The following SPP2 variants were observed in gnomAD, a reference collection of about 807,000 sequenced individuals.
SPP2 encodes the protein secreted phosphoprotein 2.
In SPP2, 34 loss-of-function variants were observed where a neutral mutation model predicts 28.8. That is an observed-to-expected ratio of 1.18 (90% CI 0.90 to 1.57). The LOEUF is 1.57. SPP2 is among the 40% of genes most tolerant of loss of function. SPP2 has a pLI of 0.00. For synonymous variants in SPP2, 96 were observed against 89.4 expected, an observed-to-expected ratio of 1.07 and a Z score of -0.42; for missense variants, 269 against 263.9, an observed-to-expected ratio of 1.02 and a Z score of -0.13.
chr2:234,059,712 T>C (rs1448023036), intron 3 of SPP2, among the ~76,000 whole-genome samples: 1 of 152,140 alleles, frequency 6.6e-6, no homozygotes, highest in African/African-American at 2.4e-5. Flanking sequence ...CACATGAAAG[T>C]GGAAATCTTA....
At chr2:234,054,936 T>G (rs1213857785) in intron 2 of SPP2, among the ~76,000 whole-genome samples, 2 of 152,310 alleles carry the variant, frequency 1.3e-5, no homozygotes, top group East Asian at 3.9e-4. Context: ...TGTGTCCATT[T>G]TACCTTTCAA....
At chr2:234,053,897 C>T (rs539785197) in intron 2 of SPP2, among the ~76,000 whole-genome samples, 1 of 151,350 alleles carries the variant, frequency 6.6e-6, no homozygotes, top group South Asian at 2.1e-4. Flanking sequence ...CAGTTTCTAC[C>T]AGGGAAAGAG....
chr2:234,067,765 C>G (rs1164570588), intron 6 of SPP2, among the ~76,000 whole-genome samples: 2 of 99,868 alleles, frequency 2.0e-5, no homozygotes, highest in South Asian at 3.7e-4. Context: ...CGACAGAGGC[C>G]AGACTCCGTC....
In SPP2 at chr2:234,059,092, G is replaced by GT. The variant is rs2125456042; in HGVS notation, c.333+135dup. The GT allele has an allele frequency of 2.8e-6, 3 of 1,067,108 alleles. No homozygotes were observed. In the South Asian group the frequency reaches 6.5e-5, roughly 23 times the overall value. The allele number at this position is 1,067,108 out of a possible 1,614,324, so 66.1% of individuals were successfully genotyped here. A position where few individuals can be genotyped will look rare whatever the true frequency, so the allele number is the denominator to read the frequency against. The stretch of plus-strand genomic sequence containing the variant: ...CACACTGCTAACATGTGGACATTGT[G>GT]TCCCCTGGTGGGGGAAGTGTTACTC... On this transcript the variant is annotated intron_variant, in intron 3 of 7. Coordinates refer to ENST00000168148, the MANE Select transcript of SPP2 (RefSeq NM_006944.3).
intron 4 of SPP2, among the ~76,000 whole-genome samples, chr2:234,062,622 G>T (rs1366305581): frequency 6.6e-6 from 1 of 152,108 alleles, no homozygotes; most frequent in Non-Finnish European, 1.5e-5. Flanking sequence ...TTGGAACTAG[G>T]TAAGAATAAA....
intron 3 of SPP2, 142 bp from the exon 4 acceptor site, chr2:234,060,227 A>G: frequency 1.6e-6 from 1 of 616,632 alleles, no homozygotes; most frequent in Non-Finnish European, 2.9e-6. Context: ...AGGAATTTTC[A>G]TTTTGAAAAA....
intron 3 of SPP2, among the ~76,000 whole-genome samples, chr2:234,059,361 TC>T (rs1362752023): frequency 6.6e-6 from 1 of 152,202 alleles, no homozygotes; most frequent in Non-Finnish European, 1.5e-5. Flanking sequence ...ACATCTGTCT[TC>T]CCCACTAGTT....
chr2:234,057,118 A>G (rs1175166778), intron 2 of SPP2, among the ~76,000 whole-genome samples: 1 of 152,144 alleles, frequency 6.6e-6, no homozygotes, highest in Non-Finnish European at 1.5e-5. Context: ...GGACCGTGGC[A>G]GGCTCCCCAC....
intron 4 of SPP2, among the ~76,000 whole-genome samples, chr2:234,060,749 A>G (rs17874963): frequency 7.9e-5 from 9 of 114,362 alleles, no homozygotes; most frequent in Non-Finnish European, 1.2e-4. Context: ...ACACACACGC[A>G]CACACACACA....
intron 2 of SPP2, among the ~76,000 whole-genome samples, chr2:234,052,848 T>C (rs748461090): frequency 6.6e-6 from 1 of 152,224 alleles, no homozygotes; most frequent in Non-Finnish European, 1.5e-5. Context: ...CTCCTGGTGA[T>C]ATTTTTTTCT....
intron 7 of SPP2, among the ~76,000 whole-genome samples, chr2:234,071,281 C>A (rs1690775572): frequency 6.6e-6 from 1 of 152,196 alleles, no homozygotes; most frequent in African/African-American, 2.4e-5. Context: ...ATGGAGGAGA[C>A]TCTGATCCTT....
intron 2 of SPP2, among the ~76,000 whole-genome samples, chr2:234,057,147 T>C (rs1574824664): frequency 1.3e-5 from 2 of 152,138 alleles, no homozygotes; most frequent in South Asian, 4.1e-4. Flanking sequence ...TGCTGCCCCC[T>C]TGTTCCTGCC....
chr2:234,068,202 A>T (rs1051745232), intron 6 of SPP2, among the ~76,000 whole-genome samples: 2 of 152,208 alleles, frequency 1.3e-5, no homozygotes, highest in Admixed American at 6.5e-5. Flanking sequence ...ATTAAATGGC[A>T]TATGCAAATT....
At chr2:234,061,251 T>C (rs577660151) in intron 4 of SPP2, among the ~76,000 whole-genome samples, 1 of 152,294 alleles carries the variant, frequency 6.6e-6, no homozygotes, top group Admixed American at 6.5e-5. Context: ...TACTAGACTG[T>C]ATGTCTCATG....
intron 7 of SPP2, 98 bp downstream of exon 7, chr2:234,070,121 A>C (rs759702979): frequency 1.1e-6 from 1 of 936,176 alleles, no homozygotes; most frequent in Non-Finnish European, 1.7e-6. Context: ...GCAATATGCT[A>C]TTCAAATCCT....
In SPP2 at chr2:234,067,147, T is replaced by C. The variant is rs1693837484; in HGVS notation, c.500-77T>C. 3.8e-6 allele frequency: 5 copies of C among 1,311,558 alleles called. No individual in the cohort carries two copies. In the Admixed American group the frequency reaches 8.5e-5, roughly 22 times the overall value. 81.2% of individuals were successfully genotyped at this position (1,311,558 alleles called of 1,614,324 possible). A position where few individuals can be genotyped will look rare whatever the true frequency, so the allele number is the denominator to read the frequency against. On this transcript the variant is annotated intron_variant, in intron 5 of 7. Coordinates refer to ENST00000168148, the MANE Select transcript of SPP2 (RefSeq NM_006944.3). Reference sequence around the variant, plus strand: ...CTTCTTTGCTTAAGAAGCATATTTGTGGCATTAACAGTAAAGTCATAGAAC... The same window carrying C: ...CTTCTTTGCTTAAGAAGCATATTTGCGGCATTAACAGTAAAGTCATAGAAC...
At chr2:234,067,067 G>A (rs1048584099) in intron 5 of SPP2, among the ~76,000 whole-genome samples, 157 bp from the exon 6 acceptor site, 2 of 152,168 alleles carry the variant, frequency 1.3e-5, no homozygotes, top group African/African-American at 4.8e-5. Flanking sequence ...TGATTTAGGA[G>A]GCATTTTTCC....
intron 2 of SPP2, among the ~76,000 whole-genome samples, chr2:234,055,539 T>C (rs563788795): frequency 1.3e-5 from 2 of 152,324 alleles, no homozygotes; most frequent in African/African-American, 4.8e-5. Context: ...CCATTACAAT[T>C]GTCAAATGGA....
chr2:234,072,465 T>C (rs1453009701), intron 7 of SPP2, among the ~76,000 whole-genome samples: 3 of 152,222 alleles, frequency 2.0e-5, no homozygotes, highest in Admixed American at 6.5e-5. Flanking sequence ...TTGGCTGTAT[T>C]TTGTTTATTA....
Sources: allele counts gnomAD v4.1 joint callset (sites outside exome capture counted in the v4.1 genomes callset), GRCh38; gene constraint gnomAD v4.1.1; transcripts MANE v1.5; gene names NCBI Gene and HGNC (gene_info 2026-07-23, HGNC 2026-07-21).